The following SLC22A9 variants were observed in gnomAD, a reference collection of about 807,000 sequenced individuals.
SLC22A9 encodes solute carrier family 22 member 9.
SLC22A9 carries 64 observed loss-of-function variants against 50.1 expected under a neutral mutation model. The ratio of observed to expected loss-of-function variants is 1.28; its 90% CI spans 1.04 to 1.57. The LOEUF is 1.57. SLC22A9 is among the 40% of genes most tolerant of loss of function. The probability of loss-of-function intolerance (pLI) is 0.00; values close to 1 mark genes in which losing one functional copy is unlikely to be tolerated. For missense variants in SLC22A9, 757 were observed against 676.1 expected (o/e 1.12, Z -1.33); for synonymous variants, 261 against 242.5 (o/e 1.08, Z -0.71).
intron 6 of SLC22A9, among the ~76,000 whole-genome samples, chr11:63,403,294 C>T (rs564706593): frequency 1.3e-5 from 2 of 151,964 alleles, no homozygotes; most frequent in African/African-American, 4.8e-5. Context: ...CTGCAGAAAC[C>T]TTGTAGGCCA....
At position 63,373,729 on chromosome 11, in the gene SLC22A9, A is replaced by T. The variant is rs771902046; in HGVS notation, c.592A>T (p.Ile198Phe). The change falls in exon 3 of 10, where the codon ATT (isoleucine) becomes TTT (phenylalanine). Residue 198 changes from isoleucine (I) to phenylalanine (F), a missense_variant. Ile to Phe is a conservative substitution (Grantham distance 21, BLOSUM62 0). Coordinates refer to ENST00000279178, the MANE Select transcript of SLC22A9 (RefSeq NM_080866.3). ...TCAALAPTFL[I>F]YCSLRFLSGI... ...TGCAGCCTTGGCTCCCACCTTCCTCATTTACTGCTCACTACGCTTCTTGTC... is the reference window on the plus strand; with the variant it reads ...TGCAGCCTTGGCTCCCACCTTCCTCTTTTACTGCTCACTACGCTTCTTGTC... 6.2e-7 allele frequency: 1 copy of T among 1,613,314 alleles called. No individual in the cohort carries two copies. The highest frequency in any genetic ancestry group is 1.3e-5 in the African/African-American group (1 of 74,866).
intron 6 of SLC22A9, among the ~76,000 whole-genome samples, chr11:63,400,296 ATAAATC>A (rs928117694): frequency 3.3e-5 from 5 of 152,072 alleles, no homozygotes; most frequent in African/African-American, 1.2e-4. Context: ...GAAAACAAAA[ATAAATC>A]AAATTGAAGA....
At chr11:63,403,207 A>G (rs2014979198) in intron 6 of SLC22A9, among the ~76,000 whole-genome samples, 1 of 152,126 alleles carries the variant, frequency 6.6e-6, no homozygotes, top group Non-Finnish European at 1.5e-5. Flanking sequence ...GAATTTTGAA[A>G]GCAGCAAGAT....
intron 6 of SLC22A9, among the ~76,000 whole-genome samples, chr11:63,404,843 C>A (rs2015009595): frequency 6.6e-6 from 1 of 152,144 alleles, no homozygotes; most frequent in Non-Finnish European, 1.5e-5. Context: ...GTTCTCACTG[C>A]AGTCCTAGGG....
At chr11:63,399,836 A>G (rs1209328491) in intron 6 of SLC22A9, among the ~76,000 whole-genome samples, 1 of 152,142 alleles carries the variant, frequency 6.6e-6, no homozygotes, top group African/African-American at 2.4e-5. Context: ...CAGTCATATC[A>G]AGTTATCTTT....
At position 63,373,725 on chromosome 11, in the gene SLC22A9, C is replaced by G. The variant is rs201273863; in HGVS notation, c.588C>G (p.Phe196Leu). The change falls in exon 3 of 10, where the codon TTC becomes TTG. Residue 196 changes from phenylalanine (F) to leucine (L), a missense_variant. By Grantham distance (22) the Phe-to-Leu change is conservative. Transcript: ENST00000279178. ...VGTCAALAPTFLIYCSLRFLS... is the reference protein window; with the variant it reads ...VGTCAALAPTLLIYCSLRFLS... ...CCTGTGCAGCCTTGGCTCCCACCTT[C>G]CTCATTTACTGCTCACTACGCTTCT... 13 of 1,613,462 alleles carry G rather than the reference C, an allele frequency of 8.1e-6. No individual in the cohort carries two copies. The African/African-American group carries it at 1.3e-4, about 17-fold the overall frequency.
At chr11:63,403,165 C>T (rs1037872591) in intron 6 of SLC22A9, among the ~76,000 whole-genome samples, 1 of 151,856 alleles carries the variant, frequency 6.6e-6, no homozygotes, top group Non-Finnish European at 1.5e-5. Context: ...CATATTAATC[C>T]ATTTTCTGAT....
chr11:63,384,847 G>A (rs910274503), intron 6 of SLC22A9, among the ~76,000 whole-genome samples: 1 of 151,922 alleles, frequency 6.6e-6, no homozygotes, highest in Non-Finnish European at 1.5e-5. Context: ...GGTGTGAGAC[G>A]GTATGTTATT....
intron 1 of SLC22A9, among the ~76,000 whole-genome samples, chr11:63,370,749 C>T (rs113849261): frequency 0.034 from 5,161 of 152,204 alleles, 122 homozygotes; most frequent in Non-Finnish European, 0.056. Flanking sequence ...TGATGCTCAG[C>T]CTGTCATTGC....
intron 1 of SLC22A9, among the ~76,000 whole-genome samples, chr11:63,370,844 A>T (rs139323690): frequency 0.016 from 2,423 of 152,280 alleles, 30 homozygotes; most frequent in Non-Finnish European, 0.022. Context: ...TCTAAGAGGG[A>T]AATTTAGGTT....
chr11:63,381,604 G>T (rs1156995690), intron 5 of SLC22A9, among the ~76,000 whole-genome samples: 2 of 152,126 alleles, frequency 1.3e-5, no homozygotes, highest in African/African-American at 4.8e-5. Flanking sequence ...AGAAGGGCCA[G>T]GATTGTCTCT....
At chr11:63,391,137 C>T (rs989327964) in intron 6 of SLC22A9, among the ~76,000 whole-genome samples, 3 of 151,818 alleles carry the variant, frequency 2.0e-5, no homozygotes, top group Admixed American at 6.6e-5. Context: ...TTCAAAATTC[C>T]TCTTGTTATT....
At position 63,386,434 on chromosome 11, in the gene SLC22A9, C is replaced by CTTTTTTT. The variant is rs71065364; in HGVS notation, c.1073+4185_1073+4191dup. ...AGCTATAAATCCACGTGGACCTGGACTTTTTTTTTTTTTTTTTTTTTTTTT... is the reference window on the plus strand; with the variant it reads ...AGCTATAAATCCACGTGGACCTGGACTTTTTTTTTTTTTTTTTTTTTTTTTTTTTTTT... On this transcript the variant is annotated intron_variant, in intron 6 of 9. Coordinates refer to ENST00000279178, the MANE Select transcript of SLC22A9 (RefSeq NM_080866.3). Among the ~76,000 whole-genome samples the CTTTTTTT allele has an allele frequency of 1.6e-3, 55 of 33,504 alleles. 7 individuals are homozygous for CTTTTTTT. The highest frequency in any genetic ancestry group is 5.3e-3 in the African/African-American group (30 of 5,632). The allele number at this position is 33,504 out of a possible 152,430, so 22.0% of individuals were successfully genotyped here.
chr11:63,391,763 T>C (rs1304536887), intron 6 of SLC22A9, among the ~76,000 whole-genome samples: 1 of 152,100 alleles, frequency 6.6e-6, no homozygotes, highest in South Asian at 2.1e-4. Context: ...ATTCAGGAAC[T>C]CTCTGTCTTT....
intron 5 of SLC22A9, among the ~76,000 whole-genome samples, chr11:63,377,246 G>A (rs1047596855): frequency 4.7e-4 from 72 of 151,978 alleles, no homozygotes; most frequent in African/African-American, 1.7e-4. Flanking sequence ...CAGAATATAC[G>A]TTATTCTCCT....
intron 9 of SLC22A9, 72 bp downstream of exon 9, chr11:63,408,951 C>T (rs1472916046): frequency 3.7e-5 from 55 of 1,467,858 alleles, no homozygotes; most frequent in Non-Finnish European, 5.2e-5. Flanking sequence ...GGCAAAATAC[C>T]ATTTAGGGCC....
At chr11:63,371,593 C>G (rs1344466758) in intron 2 of SLC22A9, among the ~76,000 whole-genome samples, 2 of 152,114 alleles carry the variant, frequency 1.3e-5, no homozygotes, top group Admixed American at 1.3e-4. Flanking sequence ...CAGGTCCAGT[C>G]CTACCTGGAC....
At chr11:63,387,323 G>T (rs2014686815) in intron 6 of SLC22A9, among the ~76,000 whole-genome samples, 1 of 151,926 alleles carries the variant, frequency 6.6e-6, no homozygotes, top group African/African-American at 2.4e-5. Flanking sequence ...TTTGTATATG[G>T]TAAGAGATAA....
At chr11:63,397,330 A>T (rs1240657130) in intron 6 of SLC22A9, among the ~76,000 whole-genome samples, 1 of 152,104 alleles carries the variant, frequency 6.6e-6, no homozygotes, top group East Asian at 1.9e-4. Flanking sequence ...ATCAGACCTG[A>T]AGCCAGTATA....
Sources: allele counts gnomAD v4.1 joint callset (sites outside exome capture counted in the v4.1 genomes callset), GRCh38; gene constraint gnomAD v4.1.1; transcripts MANE v1.5; gene names NCBI Gene and HGNC (gene_info 2026-07-23, HGNC 2026-07-21).